Variants in H1-10 observed in about 807,000 individuals in gnomAD.
H1-10 encodes histone H1.10.
For synonymous variants in H1-10, 191 were observed against 140.9 expected (o/e 1.36, Z -2.52); for missense variants, 307 against 297.9 (o/e 1.03, Z -0.22).
In H1-10 at chr3:129,315,245, TG is replaced by T. The variant is rs1360738022; in HGVS notation, c.*15del. 8.1e-6 allele frequency: 11 copies of T among 1,356,430 alleles called. No homozygotes were observed. Among genetic ancestry groups the T allele is most frequent in the Non-Finnish European group, 8.5e-6 (9 of 1,057,156 alleles). 84.0% of individuals were successfully genotyped at this position (1,356,430 alleles called of 1,614,324 possible). A position where few individuals can be genotyped will look rare whatever the true frequency, so the allele number is the denominator to read the frequency against. Reference sequence around the variant, plus strand: ...ACCGAAAAGCCCACGCCGGCCGCTCTGACCGGCCGACACGCTCACTTGCGGC... The same window carrying T: ...ACCGAAAAGCCCACGCCGGCCGCTCTACCGGCCGACACGCTCACTTGCGGC... On this transcript the variant is annotated 3_prime_UTR_variant, in exon 1 of 1. Coordinates refer to ENST00000333762, the MANE Select transcript of H1-10 (RefSeq NM_006026.4).
chr3:129,315,458 G>A lies in H1-10; in HGVS notation c.445C>T (p.Pro149Ser), dbSNP rs751426137. The change falls in exon 1 of 1, where the codon CCG becomes TCG. Residue 149 changes from proline to serine, a missense_variant. Coordinates refer to ENST00000333762, the MANE Select transcript of H1-10 (RefSeq NM_006026.4). ...GCGCGCCGGGAGCCGGCCGCGCCCGGGGCTGCCTTCTTCGCTTTGTGCGCG... is the reference window on the plus strand; with the variant it reads ...GCGCGCCGGGAGCCGGCCGCGCCCGAGGCTGCCTTCTTCGCTTTGTGCGCG... ...PTAHKAKKAA[P>S]GAAGSRRADK... 562 of 1,509,398 alleles carry A rather than the reference G, an allele frequency of 3.7e-4. 1 individual carries two copies. The highest frequency in any genetic ancestry group is 4.7e-4 in the Non-Finnish European group (530 of 1,138,224). 93.5% of individuals were successfully genotyped at this position (1,509,398 alleles called of 1,614,324 possible).
rs1315335629 is a variant in H1-10 at position 129,315,464 on chromosome 3, C to T, written c.439G>A (p.Ala147Thr). Residue 147 changes from alanine (A) to threonine (T), a missense_variant, in exon 1 of 1, where the codon GCA (alanine) becomes ACA (threonine). By Grantham distance (58) the Ala-to-Thr change is moderately conservative. Transcript: ENST00000333762. ...PAPTAHKAKK[A>T]APGAAGSRRA... ...CGGGAGCCGGCCGCGCCCGGGGCTG[C>T]CTTCTTCGCTTTGTGCGCGGTGGGG... 1 of 1,509,208 alleles carries T rather than the reference C, an allele frequency of 6.6e-7. No individual in the cohort carries two copies. Among genetic ancestry groups the T allele is most frequent in the South Asian group, 1.2e-5 (1 of 80,598 alleles). 93.5% of individuals were successfully genotyped at this position (1,509,208 alleles called of 1,614,324 possible). A position where few individuals can be genotyped will look rare whatever the true frequency, so the allele number is the denominator to read the frequency against.
In H1-10 at chr3:129,314,963, G is replaced by C. The variant is rs1185308687; in HGVS notation, c.*298C>G. 8.8e-6 allele frequency: 2 copies of C among 227,618 alleles called. No individual in the cohort carries two copies. The highest frequency in any genetic ancestry group is 1.7e-5 in the Non-Finnish European group (2 of 118,360). 14.1% of individuals were successfully genotyped at this position (227,618 alleles called of 1,614,324 possible). On this transcript the variant is annotated 3_prime_UTR_variant, in exon 1 of 1. Transcript: ENST00000333762. ...GCCAACCAGCGACCCCGCCCGGTGG[G>C]CAGGCGCGGCCTCGGCCATCGGCGC...
chr3:129,315,941 C>T lies in H1-10; in HGVS notation c.-39G>A, dbSNP rs1289075645. 9.0e-7 allele frequency: 1 copy of T among 1,113,958 alleles called. No homozygotes were observed. Among genetic ancestry groups the T allele is most frequent in the Admixed American group, 3.0e-5 (1 of 33,450 alleles). The allele number at this position is 1,113,958 out of a possible 1,614,324, so 69.0% of individuals were successfully genotyped here. On this transcript the variant is annotated 5_prime_UTR_variant, in exon 1 of 1. Transcript: ENST00000333762. Reference sequence around the variant, plus strand: ...TTGGTGGCGGGCGGCGCGCGGAAGCCGGGGGGCCGCGCCGGGAAGAGGAAG... The same window carrying T: ...TTGGTGGCGGGCGGCGCGCGGAAGCTGGGGGGCCGCGCCGGGAAGAGGAAG...
chr3:129,315,780 C>T lies in H1-10; in HGVS notation c.123G>A (p.Lys41=). 1.2e-6 allele frequency: 2 copies of T among 1,604,612 alleles called. No individual in the cohort carries two copies. Among genetic ancestry groups the T allele is most frequent in the Non-Finnish European group, 1.7e-6 (2 of 1,176,270 alleles). The change falls in exon 1 of 1, where the codon AAG becomes AAA. Residue 41 remains lysine, a synonymous_variant. Transcript: ENST00000333762. ...GGCTGTACTTGCCCGGCTGGTTCTT[C>T]TTCTTGCTATTCTTCCTCTTCTTAG... is the stretch of plus-strand genomic sequence containing the variant. The part of the protein sequence containing the change: ...SPSKKRKNSK[K]KNQPGKYSQL...
Position 129,315,307 on chromosome 3 carries a change from T to C in H1-10, c.596A>G (p.Lys199Arg). ...TTTGGGGACGCTGGGCTTGGCCGCC[T>C]TCTTCACCTTCTTGCCCCCGGCGGC... ...TAAAGGKKVK[K>R]AAKPSVPKVP... Residue 199 changes from lysine to arginine, a missense_variant, in exon 1 of 1, where the codon AAG (lysine) becomes AGG (arginine). Coordinates refer to ENST00000333762, the MANE Select transcript of H1-10 (RefSeq NM_006026.4). 1 of 1,492,902 alleles carries C rather than the reference T, an allele frequency of 6.7e-7. No individual in the cohort carries two copies. The highest frequency in any genetic ancestry group is 1.3e-5 in the South Asian group (1 of 77,074). 92.5% of individuals were successfully genotyped at this position (1,492,902 alleles called of 1,614,324 possible).
In H1-10 at chr3:129,315,412, C is replaced by A. The variant is rs772490574; in HGVS notation, c.491G>T (p.Gly164Val). ...GTGCGAGCGCTGCTCCGGCTTCTGG[C>A]CCCTGGCGGGCTTCTTGTCCGCGCG... is the stretch of plus-strand genomic sequence containing the variant. ...SRRADKKPAR[G>V]QKPEQRSHKK... Residue 164 changes from glycine (G) to valine (V), a missense_variant, in exon 1 of 1, where the codon GGC (glycine) becomes GTC (valine). Transcript: ENST00000333762. The A allele has an allele frequency of 3.3e-6, 5 of 1,513,826 alleles. No individual in the cohort carries two copies. The highest frequency in any genetic ancestry group is 2.6e-6 in the Non-Finnish European group (3 of 1,136,682). The allele number at this position is 1,513,826 out of a possible 1,614,324, so 93.8% of individuals were successfully genotyped here.
In H1-10 at chr3:129,315,684, C is replaced by T; in HGVS notation, c.219G>A (p.Glu73=). The T allele has an allele frequency of 6.3e-7, 1 of 1,587,932 alleles. No individual in the cohort carries two copies. Among genetic ancestry groups the T allele is most frequent in the Non-Finnish European group, 8.6e-7 (1 of 1,169,022 alleles). ...NGSSLAKIYT[E]AKKVPWFDQQ... is the part of the protein sequence containing the mutation. ...GGTCGAACCACGGAACCTTCTTGGC[C>T]TCGGTGTAGATCTTGGCCAGCGACG... The change falls in exon 1 of 1, where the codon GAG becomes GAA. Residue 73 remains glutamate (E), a synonymous_variant. Coordinates refer to ENST00000333762, the MANE Select transcript of H1-10 (RefSeq NM_006026.4).
In H1-10 at chr3:129,315,575, C is replaced by T. The variant is rs1157277847; in HGVS notation, c.328G>A (p.Ala110Thr). Residue 110 changes from alanine to threonine, a missense_variant, in exon 1 of 1, where the codon GCC (alanine) becomes ACC (threonine). Physicochemically the swap from Ala to Thr is moderately conservative, Grantham distance 58. Coordinates refer to ENST00000333762, the MANE Select transcript of H1-10 (RefSeq NM_006026.4). The part of the protein sequence containing the change: ...DTLLQVKGTG[A>T]NGSFKLNRKK... ...CGGTTGAGCTTGAAGGAACCGTTGGCGCCGGTGCCCTTCACCTGCAGAAGC... is the reference window on the plus strand; with the variant it reads ...CGGTTGAGCTTGAAGGAACCGTTGGTGCCGGTGCCCTTCACCTGCAGAAGC... 5 of 1,550,596 alleles carry T rather than the reference C, an allele frequency of 3.2e-6. No individual in the cohort carries two copies. The highest frequency in any genetic ancestry group is 2.4e-5 in the East Asian group (1 of 40,872).
In H1-10 at chr3:129,315,675, C is replaced by G; in HGVS notation, c.228G>C (p.Lys76Asn). The G allele has an allele frequency of 6.3e-7, 1 of 1,589,436 alleles. No homozygotes were observed. The highest frequency in any genetic ancestry group is 8.5e-7 in the Non-Finnish European group (1 of 1,169,644). The part of the protein sequence containing the change: ...SLAKIYTEAK[K>N]VPWFDQQNGR... Reference sequence around the variant, plus strand: ...CATTCTGCTGGTCGAACCACGGAACCTTCTTGGCCTCGGTGTAGATCTTGG... The same window carrying G: ...CATTCTGCTGGTCGAACCACGGAACGTTCTTGGCCTCGGTGTAGATCTTGG... The change falls in exon 1 of 1, where the codon AAG (lysine) becomes AAC (asparagine). Residue 76 changes from lysine to asparagine, a missense_variant. By Grantham distance (94) the Lys-to-Asn change is moderately conservative. Transcript: ENST00000333762.
rs892987833 is a variant in H1-10 at position 129,315,053 on chromosome 3, G to A, written c.*208C>T. ...CGAGAGCCAATAGAGGCGTCGCCGG[G>A]GCTGTTTCAAAAACCTAAAGCAAAC... On this transcript the variant is annotated 3_prime_UTR_variant, in exon 1 of 1. Transcript: ENST00000333762. 3.0e-5 allele frequency: 12 copies of A among 396,722 alleles called. No homozygotes were observed. The highest frequency in any genetic ancestry group is 4.8e-5 in the Non-Finnish European group (11 of 230,468). 24.6% of individuals were successfully genotyped at this position (396,722 alleles called of 1,614,324 possible).
Position 129,315,953 on chromosome 3 carries a change from C to T in H1-10, c.-51G>A, listed in dbSNP as rs1250510783. The T allele has an allele frequency of 3.6e-6, 5 of 1,399,844 alleles. No individual in the cohort carries two copies. In the South Asian group the frequency reaches 6.8e-5, roughly 19 times the overall value. 86.7% of individuals were successfully genotyped at this position (1,399,844 alleles called of 1,614,324 possible). ...GGCGCGCGGAAGCCGGGGGGCCGCG[C>T]CGGGAAGAGGAAGGCGAGGGGCCGA... is the stretch of plus-strand genomic sequence containing the variant. On this transcript the variant is annotated 5_prime_UTR_variant, in exon 1 of 1. Transcript: ENST00000333762.
chr3:129,316,283 C>T lies in H1-10; in HGVS notation c.-381G>A, dbSNP rs936908781. On this transcript the variant is annotated 5_prime_UTR_variant, in exon 1 of 1. Coordinates refer to ENST00000333762, the MANE Select transcript of H1-10 (RefSeq NM_006026.4). ...GAACTCGCTGGGCGTGCGCGCTGCG[C>T]TCTGGCGGGAGGGCGCTTCTCTCGG... 6.1e-6 allele frequency: 1 copy of T among 163,718 alleles called. No individual in the cohort carries two copies. Among genetic ancestry groups the T allele is most frequent in the African/African-American group, 2.4e-5 (1 of 41,466 alleles). 10.1% of individuals were successfully genotyped at this position (163,718 alleles called of 1,614,324 possible).
At position 129,315,482 on chromosome 3, in the gene H1-10, C is replaced by T. The variant is rs1208716516; in HGVS notation, c.421G>A (p.Ala141Thr). ...GGGGCTGCCTTCTTCGCTTTGTGCG[C>T]GGTGGGGGCCGGGGCGGTGGCGGCC... The part of the protein sequence containing the change: ...PAAATAPAPT[A>T]HKAKKAAPGA... Residue 141 changes from alanine to threonine, a missense_variant, in exon 1 of 1, where the codon GCG becomes ACG. Physicochemically the swap from Ala to Thr is moderately conservative, Grantham distance 58. Coordinates refer to ENST00000333762, the MANE Select transcript of H1-10 (RefSeq NM_006026.4). 4.0e-6 allele frequency: 6 copies of T among 1,501,812 alleles called. No homozygotes were observed. The Admixed American group carries it at 9.0e-5, about 22-fold the overall frequency. 93.0% of individuals were successfully genotyped at this position (1,501,812 alleles called of 1,614,324 possible).
Position 129,315,442 on chromosome 3 carries a change from G to C in H1-10, c.461C>G (p.Ser154Cys), listed in dbSNP as rs765023771. The change falls in exon 1 of 1, where the codon TCC becomes TGC. Residue 154 changes from serine to cysteine, a missense_variant. Physicochemically the swap from Ser to Cys is moderately radical, Grantham distance 112. Coordinates refer to ENST00000333762, the MANE Select transcript of H1-10 (RefSeq NM_006026.4). ...AKKAAPGAAG[S>C]RRADKKPARG... ...GGCGGGCTTCTTGTCCGCGCGCCGGGAGCCGGCCGCGCCCGGGGCTGCCTT... is the reference window on the plus strand; with the variant it reads ...GGCGGGCTTCTTGTCCGCGCGCCGGCAGCCGGCCGCGCCCGGGGCTGCCTT... The C allele has an allele frequency of 3.4e-6, 5 of 1,470,974 alleles. No homozygotes were observed. The highest frequency in any genetic ancestry group is 4.7e-5 in the Admixed American group (2 of 42,748). 91.1% of individuals were successfully genotyped at this position (1,470,974 alleles called of 1,614,324 possible).
In H1-10 at chr3:129,315,912, A is replaced by T. The variant is rs1160783119; in HGVS notation, c.-10T>A. On this transcript the variant is annotated 5_prime_UTR_variant, in exon 1 of 1. Transcript: ENST00000333762. ...CGAGCTCCACGGACATGGTAGCAAG[A>T]GGATTGGTGGCGGGCGGCGCGCGGA... is the stretch of plus-strand genomic sequence containing the variant. 7.3e-7 allele frequency: 1 copy of T among 1,379,122 alleles called. No individual in the cohort carries two copies. Among genetic ancestry groups the T allele is most frequent in the Admixed American group, 2.1e-5 (1 of 48,620 alleles). The allele number at this position is 1,379,122 out of a possible 1,614,324, so 85.4% of individuals were successfully genotyped here. A position where few individuals can be genotyped will look rare whatever the true frequency, so the allele number is the denominator to read the frequency against.
In H1-10 at chr3:129,315,660, G is replaced by A. The variant is rs148537624; in HGVS notation, c.243C>T (p.Asp81=). 16 of 1,590,006 alleles carry A rather than the reference G, an allele frequency of 1.0e-5. No individual in the cohort carries two copies. In the African/African-American group the frequency reaches 1.9e-4, roughly 19 times the overall value. The change falls in exon 1 of 1, where the codon GAC becomes GAT. Residue 81 remains aspartate, a synonymous_variant. Transcript: ENST00000333762. ...TGAGGTAGGTGCGCCCATTCTGCTG[G>A]TCGAACCACGGAACCTTCTTGGCCT... ...YTEAKKVPWF[D]QQNGRTYLKY...
chr3:129,315,187 A>G lies in H1-10; in HGVS notation c.*74T>C, dbSNP rs15334. On this transcript the variant is annotated 3_prime_UTR_variant, in exon 1 of 1. Coordinates refer to ENST00000333762, the MANE Select transcript of H1-10 (RefSeq NM_006026.4). ...GCCCCGGCCGGCGTGAGCCGTACAA[A>G]ATCTACGTCACTTGGGGTAGAAAAA... The G allele has an allele frequency of 7.0e-4, 870 of 1,241,258 alleles. 3 individuals carry two copies. The African/African-American group carries it at 0.011, about 16-fold the overall frequency. 76.9% of individuals were successfully genotyped at this position (1,241,258 alleles called of 1,614,324 possible).
chr3:129,315,812 A>T lies in H1-10; in HGVS notation c.91T>A (p.Ser31Thr), dbSNP rs2071298553. The T allele has an allele frequency of 1.2e-6, 2 of 1,603,916 alleles. No individual in the cohort carries two copies. Among genetic ancestry groups the T allele is most frequent in the Admixed American group, 1.7e-5 (1 of 58,790 alleles). The change falls in exon 1 of 1, where the codon TCC becomes ACC. Residue 31 changes from serine (S) to threonine (T), a missense_variant. Coordinates refer to ENST00000333762, the MANE Select transcript of H1-10 (RefSeq NM_006026.4). ...VTKAGGSAAL[S>T]PSKKRKNSKK... is the part of the protein sequence containing the mutation. ...CTATTCTTCCTCTTCTTAGATGGGGACAACGCCGCCGAGCCGCCAGCCTTG... is the reference window on the plus strand; with the variant it reads ...CTATTCTTCCTCTTCTTAGATGGGGTCAACGCCGCCGAGCCGCCAGCCTTG...
Sources: allele counts gnomAD v4.1 joint callset, GRCh38; gene constraint gnomAD v4.1.1; transcripts MANE v1.5; gene names NCBI Gene and HGNC (gene_info 2026-07-23, HGNC 2026-07-21).